DYNC2LI1: variants seen among roughly 807,000 people sequenced by gnomAD.
DYNC2LI1 encodes the protein dynein cytoplasmic 2 light intermediate chain 1.
Under a neutral mutation model 51.9 loss-of-function variants are expected in DYNC2LI1, and 45 were observed. The ratio of observed to expected loss-of-function variants is 0.87; its 90% CI spans 0.68 to 1.11. DYNC2LI1 has a LOEUF of 1.11. Ranked by LOEUF, DYNC2LI1 falls within the 50% of genes most tolerant of loss-of-function variation. DYNC2LI1 has a pLI of 0.00. For synonymous variants in DYNC2LI1, 130 were observed against 137.8 expected (o/e 0.94, Z 0.40); for missense variants, 490 against 417.4 (o/e 1.17, Z -1.51).
intron 2 of DYNC2LI1, among the ~76,000 whole-genome samples, chr2:43,778,799 T>C (rs1673141495): frequency 6.6e-6 from 1 of 152,202 alleles, no homozygotes; most frequent in African/African-American, 2.4e-5. Context: ...TTGTCTTGTT[T>C]TGTTTTGTTT....
chr2:43,781,833 AC>A (rs1438994449), intron 2 of DYNC2LI1: 1 of 151,824 alleles, frequency 6.6e-6, no homozygotes, highest in Non-Finnish European at 1.5e-5. Flanking sequence ...TGATATCCTG[AC>A]CTCGTGATCC....
chr2:43,814,466 A>G (rs566834640), downstream of DYNC2LI1: 11 of 1,545,126 alleles, frequency 7.1e-6, no homozygotes, highest in Admixed American at 8.4e-5. Flanking sequence ...ATCCCCAAAT[A>G]GAATACTTAC....
At chr2:43,814,761 GA>G (rs771621896), downstream of DYNC2LI1, among the ~76,000 whole-genome samples, 3 of 152,050 alleles carry the variant, frequency 2.0e-5, no homozygotes, top group Non-Finnish European at 4.4e-5. Context: ...ACAATATAAA[GA>G]AATACCGTTG....
chr2:43,796,012 TA>T (rs1411930322), intron 7 of DYNC2LI1, 54 bp downstream of exon 7: 2 of 1,226,430 alleles, frequency 1.6e-6, no homozygotes, highest in Non-Finnish European at 2.3e-6. Context: ...CTGTGCTTTT[TA>T]TGAGGGAGGT....
chr2:43,782,907 A>G (rs1165752159), intron 2 of DYNC2LI1, among the ~76,000 whole-genome samples: 4 of 152,196 alleles, frequency 2.6e-5, no homozygotes, highest in Non-Finnish European at 5.9e-5. Context: ...ACTTGAGCCC[A>G]GGAGGCAGAG....
At chr2:43,818,690 G>A in the DYNC2LI1 span, among the ~76,000 whole-genome samples, 2 of 151,982 alleles carry the variant, frequency 1.3e-5, no homozygotes, top group Admixed American at 6.6e-5. Context: ...TAAGCAACAC[G>A]GACAAATACA....
intron 7 of DYNC2LI1, 105 bp downstream of exon 7, chr2:43,796,063 G>T (rs939952658): frequency 3.6e-6 from 3 of 842,556 alleles, no homozygotes; most frequent in African/African-American, 3.5e-5. Context: ...ATTATTGAAG[G>T]AATCGGTTAA....
chr2:43,826,369 T>A, the DYNC2LI1 span: 5 of 1,613,738 alleles, frequency 3.1e-6, no homozygotes, highest in African/African-American at 1.3e-5. Flanking sequence ...CCTTTACGAG[T>A]TGAACCTCTT....
At chr2:43,822,934 A>T in the DYNC2LI1 span, 1 of 1,613,714 alleles carries the variant, frequency 6.2e-7, no homozygotes. Flanking sequence ...GCAGCACGGG[A>T]ACTGGGGATG....
intron 10 of DYNC2LI1, 92 bp downstream of exon 10, chr2:43,801,801 A>G (rs756333723): frequency 1.2e-5 from 11 of 893,804 alleles, no homozygotes; most frequent in Admixed American, 4.5e-5. Context: ...ACATACTCCT[A>G]TTTCTGGTTT....
chr2:43,828,174 A>G, the DYNC2LI1 span: 1 of 1,611,024 alleles, frequency 6.2e-7, no homozygotes, highest in Non-Finnish European at 8.5e-7. Flanking sequence ...ATTTCAATTC[A>G]TGGGCTGGGG....
chr2:43,817,820 A>C, the DYNC2LI1 span, among the ~76,000 whole-genome samples: 1 of 148,888 alleles, frequency 6.7e-6, no homozygotes, highest in Admixed American at 6.7e-5. Context: ...TGAGGCAGGA[A>C]AATCGCTTGA....
intron 1 of DYNC2LI1, among the ~76,000 whole-genome samples, chr2:43,774,842 C>G (rs1173224239): frequency 2.6e-5 from 4 of 152,194 alleles, no homozygotes; most frequent in African/African-American, 4.8e-5. Flanking sequence ...TCGTGGCTGA[C>G]TGCAGCACCT....
Position 43,778,055 on chromosome 2 carries a change from T to C in DYNC2LI1, c.126+1156T>C, listed in dbSNP as rs1193545794. On this transcript the variant is annotated intron_variant, in intron 2 of 12. Transcript: ENST00000260605. ...TTTTTTATTTTCCAGAGTTTTCATA[T>C]TGGCCCACTTTTTAAAATTCAAACT... is the stretch of plus-strand genomic sequence containing the variant. Among the ~76,000 whole-genome samples, 3 of 152,226 alleles carry C rather than the reference T, an allele frequency of 2.0e-5. No individual in the cohort carries two copies. The East Asian group carries it at 5.8e-4, about 29-fold the overall frequency.
At chr2:43,779,011 T>A (rs1372250528) in intron 2 of DYNC2LI1, among the ~76,000 whole-genome samples, 3 of 152,212 alleles carry the variant, frequency 2.0e-5, no homozygotes, top group Admixed American at 2.0e-4. Flanking sequence ...ATCCCAGGAC[T>A]TTGGGAGGCT....
rs55874533 is a variant in DYNC2LI1 at position 43,808,264 on chromosome 2, GA to G, written c.994-1430del. 3.5e-3 allele frequency among the ~76,000 whole-genome samples: 506 copies of G among 146,076 alleles called. 4 individuals carry two copies. The highest frequency in any genetic ancestry group is 0.011 in the African/African-American group (443 of 40,246). On this transcript the variant is annotated intron_variant, in intron 12 of 12. Coordinates refer to ENST00000260605, the MANE Select transcript of DYNC2LI1 (RefSeq NM_016008.4). Reference sequence around the variant, plus strand: ...CTAGAATCCAATGAGGAAGTTAAAGGAAAAAAAAAAACACACAAGGAAAAAT... The same window carrying G: ...CTAGAATCCAATGAGGAAGTTAAAGGAAAAAAAAAACACACAAGGAAAAAT...
intron 2 of DYNC2LI1, among the ~76,000 whole-genome samples, chr2:43,779,390 T>C (rs1673171368): frequency 6.6e-6 from 1 of 152,266 alleles, no homozygotes; most frequent in Admixed American, 6.5e-5. Context: ...AGAAGCCCAC[T>C]GCCCTGCTGC....
intron 5 of DYNC2LI1, 196 bp from the exon 6 acceptor site, chr2:43,794,261 T>C (rs935925709): frequency 5.7e-6 from 3 of 527,142 alleles, no homozygotes; most frequent in Admixed American, 7.0e-5. Context: ...AACACTTAAA[T>C]ATTACTAGAG....
At chr2:43,822,485 C>CCT in the DYNC2LI1 span, 2 of 925,952 alleles carry the variant, frequency 2.2e-6, no homozygotes, top group Non-Finnish European at 2.6e-6. Context: ...CAGGCCCCCC[C>CCT]CCATGCACCT....
Sources: gnomAD v4.1 joint callset for allele counts (sites outside exome capture counted in the v4.1 genomes callset) on GRCh38, gnomAD v4.1.1 for gene constraint, MANE v1.5 for transcripts, NCBI Gene and HGNC (gene_info 2026-07-23, HGNC 2026-07-21) for gene names.